The following FRAS1 variants were observed in gnomAD, a reference collection of about 807,000 sequenced individuals.
FRAS1 encodes the protein extracellular matrix organizing protein FRAS1.
FRAS1 carries 290 observed loss-of-function variants against 435.2 expected under a neutral mutation model. The ratio of observed to expected loss-of-function variants is 0.67; its 90% CI spans 0.61 to 0.73. The LOEUF is 0.73. Among genes scored for constraint, FRAS1 ranks in the 30% least tolerant of loss-of-function variants. The pLI, the probability that FRAS1 is intolerant of heterozygous loss-of-function variation, is 0.00. For missense variants in FRAS1, 4,860 were observed against 5,001.5 expected (o/e 0.97, Z 0.85); for synonymous variants, 1,800 against 1,851.0 (o/e 0.97, Z 0.71).
In FRAS1 at chr4:78,540,601, G is replaced by A. The variant is rs375219965; in HGVS notation, c.11516G>A (p.Arg3839Gln). The A allele has an allele frequency of 9.8e-6, 15 of 1,537,976 alleles. No individual in the cohort carries two copies. In the Admixed American group the frequency reaches 1.0e-4, roughly 11 times the overall value. ...IIGPDTISGP[R>Q]VQRSLTAPLR... The stretch of plus-strand genomic sequence containing the variant: ...GGCCCTGACACCATCTCAGGGCCCC[G>A]GGTCCAGCGCTCTCTCACAGCTCCA... Residue 3839 changes from arginine to glutamine, a missense_variant, in exon 74 of 74, where the codon CGG (arginine) becomes CAG (glutamine). Arg to Gln is a conservative substitution (Grantham distance 43). Transcript: ENST00000512123.
intron 59 of FRAS1, among the ~76,000 whole-genome samples, chr4:78,489,968 C>CAAAAAAAAAAAAAAAAAAAAAAAA (rs61568957): frequency 3.2e-5 from 3 of 92,608 alleles, no homozygotes; most frequent in Non-Finnish European, 6.2e-5. Context: ...TAGTGGAAAA[C>CAAAAAAAAAAAAAAAAAAAAAAAA]AAAAAAAAAA....
intron 47 of FRAS1, among the ~76,000 whole-genome samples, chr4:78,463,293 A>T (rs904574781): frequency 6.6e-6 from 1 of 152,186 alleles, no homozygotes; most frequent in Non-Finnish European, 1.5e-5. Context: ...TTTAAAAATG[A>T]CTGGAATGAA....
chr4:78,463,366 T>C (rs142747847), intron 47 of FRAS1, among the ~76,000 whole-genome samples: 45 of 152,286 alleles, frequency 3.0e-4, no homozygotes, highest in Non-Finnish European at 5.6e-4. Context: ...TTAAAGGATA[T>C]TGTTTTTCCA....
chr4:78,256,780 A>G (rs1725815338), intron 6 of FRAS1, among the ~76,000 whole-genome samples: 1 of 152,192 alleles, frequency 6.6e-6, no homozygotes, highest in Admixed American at 6.5e-5. Flanking sequence ...AAATAGATTT[A>G]TTTTAATCAC....
At chr4:78,109,411 G>T (rs1394388148) in intron 2 of FRAS1, among the ~76,000 whole-genome samples, 3 of 150,526 alleles carry the variant, frequency 2.0e-5, no homozygotes, top group Admixed American at 1.3e-4. Context: ...ATGATCAAGT[G>T]GGCTTCATCC....
At position 78,445,644 on chromosome 4, in the gene FRAS1, A is replaced by G. The variant is rs373432682; in HGVS notation, c.5788A>G (p.Ile1930Val). The G allele has an allele frequency of 5.4e-5, 87 of 1,613,740 alleles. No homozygotes were observed. The highest frequency in any genetic ancestry group is 4.7e-5 in the Non-Finnish European group (55 of 1,179,834). Residue 1930 changes from isoleucine to valine, a missense_variant, in exon 42 of 74, where the codon ATT becomes GTT. Coordinates refer to ENST00000512123, the MANE Select transcript of FRAS1 (RefSeq NM_025074.7). ...VHESIEPTHD[I>V]FSFYVSDGTS... ...TGAAAGCATTGAGCCAACCCATGAT[A>G]TTTTTAGTTTTTATGTGAGTGATGG...
At chr4:78,211,728 T>C (rs1723513716) in intron 2 of FRAS1, among the ~76,000 whole-genome samples, 2 of 152,230 alleles carry the variant, frequency 1.3e-5, no homozygotes, top group Admixed American at 6.5e-5. Context: ...AAATTTGCCA[T>C]TTTAACTGTG....
intron 5 of FRAS1, among the ~76,000 whole-genome samples, chr4:78,254,708 T>G (rs1725706956): frequency 6.6e-6 from 1 of 152,088 alleles, no homozygotes; most frequent in Non-Finnish European, 1.5e-5. Flanking sequence ...TGCAAAAATG[T>G]AGGGTCTCTT....
At chr4:78,505,709 A>G (rs1209925703) in intron 61 of FRAS1, among the ~76,000 whole-genome samples, 1 of 151,934 alleles carries the variant, frequency 6.6e-6, no homozygotes, top group African/African-American at 2.4e-5. Context: ...GTTATTACCG[A>G]CCTTCTGAAG....
At chr4:78,148,600 TATTA>T (rs1278244571) in intron 2 of FRAS1, among the ~76,000 whole-genome samples, 11 of 152,240 alleles carry the variant, frequency 7.2e-5, no homozygotes, top group Non-Finnish European at 1.3e-4. Context: ...GCTACAGTGC[TATTA>T]ATTATGTATC....
chr4:78,094,856 T>A (rs1037792387), intron 2 of FRAS1, among the ~76,000 whole-genome samples: 3 of 152,164 alleles, frequency 2.0e-5, no homozygotes, highest in African/African-American at 7.2e-5. Flanking sequence ...AGAATTCCTA[T>A]GCCTTGATTT....
At chr4:78,386,201 T>C (rs1377729636) in intron 28 of FRAS1, among the ~76,000 whole-genome samples, 3 of 152,232 alleles carry the variant, frequency 2.0e-5, no homozygotes, top group Non-Finnish European at 4.4e-5. Context: ...ATTTTAAGTC[T>C]TTAAAATGGA....
At chr4:78,324,802 G>A (rs759532466) in intron 18 of FRAS1, among the ~76,000 whole-genome samples, 31 of 132,400 alleles carry the variant, frequency 2.3e-4, no homozygotes, top group African/African-American at 4.0e-4. Flanking sequence ...CAGCTCTGTC[G>A]CCATTAAACA....
chr4:78,262,952 A>G (rs1317347531), intron 6 of FRAS1, among the ~76,000 whole-genome samples: 3 of 152,204 alleles, frequency 2.0e-5, no homozygotes, highest in Non-Finnish European at 4.4e-5. Context: ...CCAGCCATAG[A>G]CAATATGTAA....
At chr4:78,339,074 A>G (rs972415137) in intron 20 of FRAS1, among the ~76,000 whole-genome samples, 2 of 152,188 alleles carry the variant, frequency 1.3e-5, no homozygotes, top group African/African-American at 4.8e-5. Context: ...CAGAATTCCT[A>G]TCAGCTGTAG....
In FRAS1 at chr4:78,156,570, T is replaced by C. The variant is rs147054738; in HGVS notation, c.109-80940T>C. On this transcript the variant is annotated intron_variant, in intron 2 of 73. Coordinates refer to ENST00000512123, the MANE Select transcript of FRAS1 (RefSeq NM_025074.7). ...CAATGGAGGTTATTTTAGTTGTGAG[T>C]ACTCGAATTTGTCTTGTGTGTAAGA... Among the ~76,000 whole-genome samples, 611 of 152,286 alleles carry C rather than the reference T, an allele frequency of 4.0e-3. 1 individual carries two copies. Among genetic ancestry groups the C allele is most frequent in the Middle Eastern group, 0.024 (7 of 294 alleles).
At chr4:78,246,757 A>C (rs76723487) in intron 4 of FRAS1, among the ~76,000 whole-genome samples, 1 of 149,110 alleles carries the variant, frequency 6.7e-6, no homozygotes, top group East Asian at 2.0e-4. Context: ...GAAAAAAAAA[A>C]CCAGACATAT....
At chr4:78,099,075 T>C (rs908642807) in intron 2 of FRAS1, among the ~76,000 whole-genome samples, 4 of 152,158 alleles carry the variant, frequency 2.6e-5, no homozygotes, top group African/African-American at 9.7e-5. Context: ...ATTCTTAAAA[T>C]CTCCTCATTG....
At chr4:78,446,672 A>G (rs1718840884) in intron 42 of FRAS1, 55 bp from the exon 43 acceptor site, 1 of 1,570,848 alleles carries the variant, frequency 6.4e-7, no homozygotes, top group Non-Finnish European at 8.6e-7. Context: ...AATAATGTGC[A>G]TTTTCTTTCT....
Sources: allele counts gnomAD v4.1 joint callset (sites outside exome capture counted in the v4.1 genomes callset), GRCh38; gene constraint gnomAD v4.1.1; transcripts MANE v1.5; gene names NCBI Gene and HGNC (gene_info 2026-07-23, HGNC 2026-07-21).